Variants in CAPSL observed in about 807,000 individuals in gnomAD.
CAPSL encodes the protein calcyphosine like.
In CAPSL, 17 loss-of-function variants were observed where a neutral mutation model predicts 21.3. The ratio of observed to expected loss-of-function variants is 0.80; its 90% CI spans 0.55 to 1.20. The LOEUF (loss-of-function observed/expected upper bound fraction) is 1.20. Ranked by LOEUF, CAPSL falls within the 50% of genes most tolerant of loss-of-function variation. The pLI is 0.00. For synonymous variants in CAPSL, 102 were observed against 89.3 expected, an observed-to-expected ratio of 1.14 and a Z score of -0.80; for missense variants, 289 against 259.3, an observed-to-expected ratio of 1.11 and a Z score of -0.79.
chr5:35,913,139 G>C lies in CAPSL; in HGVS notation c.138-2596C>G, dbSNP rs1251362833. Reference sequence around the variant, plus strand: ...GAAGATCAAATGAATGAAATGAAGTGAGAAGAGAAGTTTAGAGATAAAAGA... The same window carrying C: ...GAAGATCAAATGAATGAAATGAAGTCAGAAGAGAAGTTTAGAGATAAAAGA... On this transcript the variant is annotated intron_variant, in intron 2 of 4. Transcript: ENST00000651391. Among the ~76,000 whole-genome samples the C allele has an allele frequency of 2.6e-5, 4 of 152,276 alleles. No individual in the cohort carries two copies. In the East Asian group the frequency reaches 5.8e-4, roughly 22 times the overall value.
intron 1 of CAPSL, among the ~76,000 whole-genome samples, chr5:35,926,042 C>T (rs1359907811): frequency 6.8e-6 from 1 of 147,680 alleles, no homozygotes; most frequent in East Asian, 2.0e-4. Flanking sequence ...CGCCACTGCA[C>T]TCCAGCCTGG....
intron 4 of CAPSL, among the ~76,000 whole-genome samples, chr5:35,904,946 A>C (rs1468591364): frequency 6.6e-6 from 1 of 152,200 alleles, no homozygotes; most frequent in Non-Finnish European, 1.5e-5. Flanking sequence ...AGGGAGACTG[A>C]AACTCAGAGT....
Position 35,909,993 on chromosome 5 carries a change from A to T in CAPSL, c.398T>A (p.Ile133Asn), listed in dbSNP as rs545086008. ...ATTATATACTTCACGAAGGTCTTCG[A>T]TTGTTATAACACCATCTCCAGTCTT... ...LDKTGDGVIT[I>N]EDLREVYNAK... The change falls in exon 4 of 5, where the codon ATC (isoleucine) becomes AAC (asparagine). Residue 133 changes from isoleucine (I) to asparagine (N), a missense_variant. Coordinates refer to ENST00000651391, the MANE Select transcript of CAPSL (RefSeq NM_001042625.2). The T allele has an allele frequency of 5.8e-4, 940 of 1,613,832 alleles. 13 individuals are homozygous for T. In the South Asian group the frequency reaches 9.8e-3, roughly 17 times the overall value.
intron 1 of CAPSL, among the ~76,000 whole-genome samples, chr5:35,924,623 C>T (rs1395790256): frequency 6.6e-6 from 1 of 152,158 alleles, no homozygotes; most frequent in Admixed American, 6.5e-5. Context: ...AGTAAGCATC[C>T]CTTTTAATCA....
At chr5:35,935,744 C>A (rs1202130406) in intron 1 of CAPSL, among the ~76,000 whole-genome samples, 1 of 152,090 alleles carries the variant, frequency 6.6e-6, no homozygotes, top group African/African-American at 2.4e-5. Flanking sequence ...ATTTTCACCC[C>A]AGCCATTACC....
At chr5:35,931,154 A>C (rs1416890442) in intron 1 of CAPSL, among the ~76,000 whole-genome samples, 9 of 152,216 alleles carry the variant, frequency 5.9e-5, no homozygotes, top group African/African-American at 2.2e-4. Flanking sequence ...GCTGTCAAAA[A>C]TATTCCTAAC....
intron 3 of CAPSL, 135 bp downstream of exon 3, chr5:35,910,231 G>T: frequency 8.7e-7 from 1 of 1,147,824 alleles, no homozygotes; most frequent in Non-Finnish European, 1.2e-6. Context: ...AAATTCCTAA[G>T]TCTGTTCACA....
chr5:35,936,453 CT>C (rs1304990016), intron 1 of CAPSL, among the ~76,000 whole-genome samples: 2 of 152,198 alleles, frequency 1.3e-5, no homozygotes, highest in Non-Finnish European at 2.9e-5. Flanking sequence ...AGATTTTCTA[CT>C]TTCTCATGCC....
chr5:35,912,081 A>G (rs181560161), intron 2 of CAPSL, among the ~76,000 whole-genome samples: 3,332 of 152,272 alleles, frequency 0.022, 120 homozygotes, highest in African/African-American at 0.076. Context: ...CCTGGCTCGG[A>G]GGATCCGACA....
In CAPSL at chr5:35,910,098, A is replaced by G. The variant is rs747389173; in HGVS notation, c.316-23T>C. The G allele has an allele frequency of 1.5e-5, 23 of 1,558,156 alleles. No individual in the cohort carries two copies. The East Asian group carries it at 4.5e-4, about 30-fold the overall frequency. Reference sequence around the variant, plus strand: ...AGGCTACAAAAATAGAAGAATACATACAGAGACATACATAAGCAAATGAGC... The same window carrying G: ...AGGCTACAAAAATAGAAGAATACATGCAGAGACATACATAAGCAAATGAGC... On this transcript the variant is annotated intron_variant, in intron 3 of 4. Transcript: ENST00000651391.
chr5:35,936,241 T>G (rs1738943532), intron 1 of CAPSL, among the ~76,000 whole-genome samples: 1 of 151,972 alleles, frequency 6.6e-6, no homozygotes, highest in South Asian at 2.1e-4. Context: ...TCCAAGAGAT[T>G]GCTGAACTTC....
chr5:35,922,968 C>T (rs1323797771), intron 1 of CAPSL, among the ~76,000 whole-genome samples: 1 of 152,144 alleles, frequency 6.6e-6, no homozygotes, highest in African/African-American at 2.4e-5. Flanking sequence ...GGCATGCGCC[C>T]CATCCCCACC....
chr5:35,934,190 T>C (rs1005014342), intron 1 of CAPSL, among the ~76,000 whole-genome samples: 4 of 152,226 alleles, frequency 2.6e-5, no homozygotes, highest in African/African-American at 9.6e-5. Flanking sequence ...ATTAAAGCAA[T>C]GGTTGAAGCC....
In CAPSL at chr5:35,904,560, G is replaced by C; in HGVS notation, c.612C>G (p.Thr204=). The part of the protein sequence containing the change: ...TDVYFIIMMR[T]AWKL ...GGTCATGTGCTTAAAGCTTCCAGGC[G>C]GTTCTCATCATGATGATGAAGTACA... The change falls in exon 5 of 5, where the codon ACC becomes ACG. Residue 204 remains threonine (T), a synonymous_variant. Transcript: ENST00000651391. 5 of 1,613,438 alleles carry C rather than the reference G, an allele frequency of 3.1e-6. No individual in the cohort carries two copies. The highest frequency in any genetic ancestry group is 3.4e-6 in the Non-Finnish European group (4 of 1,179,670).
intron 4 of CAPSL, among the ~76,000 whole-genome samples, chr5:35,907,389 G>C (rs1010738953): frequency 6.6e-6 from 1 of 152,102 alleles, no homozygotes. Flanking sequence ...GTCCTAAGAG[G>C]CTTTTTAAAA....
At chr5:35,937,203 G>T (rs767914247) in intron 1 of CAPSL, among the ~76,000 whole-genome samples, 1 of 152,080 alleles carries the variant, frequency 6.6e-6, no homozygotes, top group Non-Finnish European at 1.5e-5. Flanking sequence ...TCTGTACTTT[G>T]TCTTTCAAAA....
Position 35,904,546 on chromosome 5 carries a change from TA to T in CAPSL, c.625del (p.Ter209LysfsTer29), listed in dbSNP as rs1760629298. ...GGGCCTGGTCCCCAGGTCATGTGCT[TA>T]AAGCTTCCAGGCGGTTCTCATCATG... ...IIMMRTAWKL[*>X] On this transcript the variant is annotated frameshift_variant and stop_lost, in exon 5 of 5. Coordinates refer to ENST00000651391, the MANE Select transcript of CAPSL (RefSeq NM_001042625.2). LOFTEE classifies it high-confidence loss of function. 6.2e-7 allele frequency: 1 copy of T among 1,612,726 alleles called. No homozygotes were observed. The highest frequency in any genetic ancestry group is 8.5e-7 in the Non-Finnish European group (1 of 1,179,066).
chr5:35,909,824 C>T (rs369315658), intron 4 of CAPSL, 42 bp downstream of exon 4: 40 of 1,513,720 alleles, frequency 2.6e-5, no homozygotes, highest in Admixed American at 7.9e-5. Context: ...TTTACAATTT[C>T]GAATTGAAGA....
rs1431719578 is a variant in CAPSL, at chr5:35,910,450, T to A, written c.231A>T (p.Lys77Asn). The change falls in exon 3 of 5, where the codon AAA becomes AAT. Residue 77 changes from lysine (K) to asparagine (N), a missense_variant. Transcript: ENST00000651391. ...GLNDYAVVMEKEEVEELFRRF... is the reference protein window; with the variant it reads ...GLNDYAVVMENEEVEELFRRF... ...TCCGGAAAAGTTCTTCCACCTCTTC[T>A]TTTTCCATGACCACAGCATAATCAT... is the stretch of plus-strand genomic sequence containing the variant. The A allele has an allele frequency of 1.2e-6, 2 of 1,613,292 alleles. No individual in the cohort carries two copies. The highest frequency in any genetic ancestry group is 1.7e-6 in the Non-Finnish European group (2 of 1,179,432).
Sources: gnomAD v4.1 joint callset for allele counts (sites outside exome capture counted in the v4.1 genomes callset) on GRCh38, gnomAD v4.1.1 for gene constraint, MANE v1.5 for transcripts, NCBI Gene and HGNC (gene_info 2026-07-23, HGNC 2026-07-21) for gene names.